The following WDPCP variants were observed in gnomAD, a reference collection of about 807,000 sequenced individuals.
WDPCP encodes WD repeat containing planar cell polarity effector.
WDPCP carries 71 observed loss-of-function variants against 93.1 expected under a neutral mutation model. That is an observed-to-expected ratio of 0.76 (90% CI 0.63 to 0.93). The LOEUF is 0.93. Ranked by LOEUF, WDPCP falls within the 40% of genes least tolerant of loss-of-function variation. The pLI is 0.00. For missense variants in WDPCP, 844 were observed against 887.4 expected (o/e 0.95, Z 0.62); for synonymous variants, 315 against 315.0 (o/e 1.00, Z 0.00).
chr2:63,171,418 G>A (rs549941890), intron 15 of WDPCP, among the ~76,000 whole-genome samples: 1 of 152,204 alleles, frequency 6.6e-6, no homozygotes, highest in Admixed American at 6.5e-5. Context: ...ATGCTAATGA[G>A]CAAATAAGAA....
At chr2:63,793,870 TTGTGTGTGTGTG>T (rs35714297) in intron 2 of WDPCP, among the ~76,000 whole-genome samples, 23 of 145,366 alleles carry the variant, frequency 1.6e-4, no homozygotes, top group Middle Eastern at 3.5e-3. Flanking sequence ...AGTACTTACA[TTGTGTGTGTGTG>T]TGTGTGTGTG....
chr2:63,123,458 G>A (rs1377163131), intron 17 of WDPCP, among the ~76,000 whole-genome samples: 1 of 151,704 alleles, frequency 6.6e-6, no homozygotes, highest in Non-Finnish European at 1.5e-5. Flanking sequence ...TCTTACCTTA[G>A]GAATTACATT....
chr2:63,507,723 T>C (rs922951245), intron 1 of WDPCP, among the ~76,000 whole-genome samples: 1 of 151,424 alleles, frequency 6.6e-6, no homozygotes, highest in African/African-American at 2.4e-5. Flanking sequence ...GAATAACCAG[T>C]TTAGAGAAGA....
intron 14 of WDPCP, among the ~76,000 whole-genome samples, chr2:63,198,284 C>G (rs796098359): frequency 1.9e-4 from 29 of 152,196 alleles, no homozygotes; most frequent in African/African-American, 5.5e-4. Context: ...ATTGGGATAC[C>G]AATATACTCT....
intron 7 of WDPCP, chr2:63,438,071 A>G: frequency 8.8e-7 from 1 of 1,130,334 alleles, no homozygotes; most frequent in Non-Finnish European, 1.1e-6. Context: ...TATGACCAAT[A>G]TGTACATTAC....
At chr2:63,274,057 C>T (rs1208763661) in intron 13 of WDPCP, among the ~76,000 whole-genome samples, 2 of 152,104 alleles carry the variant, frequency 1.3e-5, no homozygotes, top group East Asian at 3.9e-4. Flanking sequence ...GTACTCTTCT[C>T]GTCAGCACGT....
intron 2 of WDPCP, among the ~76,000 whole-genome samples, chr2:63,732,671 A>G (rs1669579257): frequency 6.6e-6 from 1 of 152,212 alleles, no homozygotes. Context: ...TGTTTTATTT[A>G]TTTAAGAAAT....
chr2:63,184,348 G>A (rs1674471556), intron 14 of WDPCP, among the ~76,000 whole-genome samples: 1 of 151,736 alleles, frequency 6.6e-6, no homozygotes, highest in South Asian at 2.1e-4. Context: ...TTTTATGATG[G>A]CAAACATTGA....
chr2:63,259,958 C>T (rs944040622), intron 13 of WDPCP, among the ~76,000 whole-genome samples: 2 of 152,056 alleles, frequency 1.3e-5, no homozygotes, highest in African/African-American at 4.8e-5. Context: ...GGAGAGAGAC[C>T]ACTGTAAACC....
chr2:63,202,711 T>G (rs548903161), intron 14 of WDPCP, among the ~76,000 whole-genome samples: 101 of 152,186 alleles, frequency 6.6e-4, no homozygotes, highest in Non-Finnish European at 1.3e-3. Flanking sequence ...AAAGCCCTCC[T>G]TCTGTCTCTT....
At chr2:63,213,659 C>G (rs1185204335) in intron 14 of WDPCP, among the ~76,000 whole-genome samples, 1 of 152,002 alleles carries the variant, frequency 6.6e-6, no homozygotes, top group Admixed American at 6.6e-5. Flanking sequence ...ACCAAAAAAC[C>G]CTTCAAAAAA....
In WDPCP at chr2:63,808,287, G is replaced by T. The variant is rs7603484; in HGVS notation, n.308+5335C>A. Among the ~76,000 whole-genome samples the T allele has an allele frequency of 2.7e-5, 4 of 148,696 alleles. No individual in the cohort carries two copies. In the East Asian group the frequency reaches 8.3e-4, roughly 31 times the overall value. ...CTGTTTCCTTAAAATTAATTCCTTC[G>T]CTCCCTCTCCCTCTCCCTCTCCCCT... is the stretch of plus-strand genomic sequence containing the variant. On this transcript the variant is annotated intron_variant and non_coding_transcript_variant, in intron 2 of 4. Coordinates refer to the WDPCP transcript ENST00000467687.
At chr2:63,592,726 A>G (rs1302570492), upstream of WDPCP, among the ~76,000 whole-genome samples, 1 of 152,238 alleles carries the variant, frequency 6.6e-6, no homozygotes, top group Admixed American at 6.5e-5. Context: ...CAGTTCTTAT[A>G]CATTTCCATC....
chr2:63,700,573 C>A (rs1669033142), intron 2 of WDPCP, among the ~76,000 whole-genome samples: 1 of 152,058 alleles, frequency 6.6e-6, no homozygotes. Flanking sequence ...TTTTCCTTTA[C>A]TGATTTTTTT....
At position 63,433,781 on chromosome 2, in the gene WDPCP, A is replaced by C; in HGVS notation, c.789T>G (p.Asn263Lys). The change falls in exon 9 of 18, where the codon AAT becomes AAG. Residue 263 changes from asparagine (N) to lysine (K), a missense_variant. Asn to Lys is a moderately conservative substitution (Grantham distance 94). Transcript: ENST00000272321. Reference protein sequence around the residue: ...APISSEKDRANLLLLGYAQGR... With the variant: ...APISSEKDRAKLLLLGYAQGR... ...CTTGAGCATAACCCAGGAGGAGTAG[A>C]TTGGCTCTGTCCTTCTCAGAAGAAA... is the stretch of plus-strand genomic sequence containing the variant. 6.2e-7 allele frequency: 1 copy of C among 1,613,814 alleles called. No individual in the cohort carries two copies. Among genetic ancestry groups the C allele is most frequent in the Non-Finnish European group, 8.5e-7 (1 of 1,179,830 alleles).
In WDPCP at chr2:63,722,643, G is replaced by A. The variant is rs1426305267; in HGVS notation, n.309-71805C>T. 3.3e-4 allele frequency among the ~76,000 whole-genome samples: 29 copies of A among 87,518 alleles called. 2 individuals are homozygous for A. The highest frequency in any genetic ancestry group is 2.0e-3 in the Admixed American group (20 of 10,134). 57.4% of individuals were successfully genotyped at this position (87,518 alleles called of 152,430 possible). A position where few individuals can be genotyped will look rare whatever the true frequency, so the allele number is the denominator to read the frequency against. On this transcript the variant is annotated intron_variant and non_coding_transcript_variant, in intron 2 of 4. Transcript: ENST00000467687. ...CAGCCCCCGCCCGGCCAGCCGCCCC[G>A]TCCGGGAGGGAGGTGGGGGGGGGTC... is the stretch of plus-strand genomic sequence containing the variant.
At chr2:63,532,318 C>A (rs1703918733) in intron 1 of WDPCP, among the ~76,000 whole-genome samples, 1 of 152,176 alleles carries the variant, frequency 6.6e-6, no homozygotes, top group African/African-American at 2.4e-5. Context: ...CTTCCCCAAC[C>A]TAGTGAGGCA....
At chr2:63,174,914 A>G (rs1262248189) in intron 14 of WDPCP, 82 bp from the exon 15 acceptor site, 28 of 1,461,590 alleles carry the variant, frequency 1.9e-5, no homozygotes, top group Non-Finnish European at 2.6e-5. Context: ...ACAGAACAAC[A>G]TTCACATATC....
At chr2:63,564,742 T>G (rs1277301883) in intron 1 of WDPCP, 2 of 152,018 alleles carry the variant, frequency 1.3e-5, no homozygotes, top group Non-Finnish European at 2.9e-5. Flanking sequence ...TCTATAGTAT[T>G]TATACTTGTG....
Sources: gnomAD v4.1 joint callset for allele counts (sites outside exome capture counted in the v4.1 genomes callset) on GRCh38, gnomAD v4.1.1 for gene constraint, MANE v1.5 for transcripts, NCBI Gene and HGNC (gene_info 2026-07-23, HGNC 2026-07-21) for gene names.